Variants in PNPT1 observed in about 807,000 individuals in gnomAD.
The protein encoded by PNPT1 is polyribonucleotide nucleotidyltransferase 1, mitochondrial.
In PNPT1, 53 loss-of-function variants were observed where a neutral mutation model predicts 119.5. That is an observed-to-expected ratio of 0.44 (90% CI 0.36 to 0.56). The LOEUF is 0.56. PNPT1 is among the 20% of genes least tolerant of loss of function. The probability of loss-of-function intolerance (pLI) is 0.00; values close to 1 mark genes in which losing one functional copy is unlikely to be tolerated. For missense variants in PNPT1, 948 were observed against 938.5 expected, an observed-to-expected ratio of 1.01 and a Z score of -0.13; for synonymous variants, 357 against 322.1, an observed-to-expected ratio of 1.11 and a Z score of -1.16.
In PNPT1 at chr2:55,656,140, C is replaced by G. The variant is rs146990953; in HGVS notation, c.1432G>C (p.Glu478Gln). Residue 478 changes from glutamate (E) to glutamine (Q), a missense_variant, in exon 17 of 28, where the codon GAG (glutamate) becomes CAG (glutamine). Transcript: ENST00000447944. ...TATTTCAATACCATACCATTTGACT[C>G]TAGGACTTCAGATGTAACTCTTATG... ...FTIRVTSEVL[E>Q]SNGSSSMASA... 5 of 1,612,718 alleles carry G rather than the reference C, an allele frequency of 3.1e-6. No individual in the cohort carries two copies. In the African/African-American group the frequency reaches 4.0e-5, roughly 13 times the overall value.
At chr2:55,666,948 A>G (rs747723785) in intron 13 of PNPT1, 43 bp downstream of exon 13, 4 of 1,307,942 alleles carry the variant, frequency 3.1e-6, no homozygotes, top group Non-Finnish European at 3.2e-6. Flanking sequence ...CTAATTAAAC[A>G]ATCTTAATTT....
At chr2:55,691,871 TA>T (rs1559116722) in intron 1 of PNPT1, among the ~76,000 whole-genome samples, 766 of 18,080 alleles carry the variant, frequency 0.042, 14 homozygotes, top group Non-Finnish European at 0.069. Context: ...TATATATATA[TA>T]TATATATTTT....
chr2:55,688,635 G>A (rs1045841025), intron 1 of PNPT1, among the ~76,000 whole-genome samples: 1 of 152,056 alleles, frequency 6.6e-6, no homozygotes, highest in African/African-American at 2.4e-5. Flanking sequence ...CGAGGCAAGA[G>A]AACTGCTTGA....
intron 3 of PNPT1, among the ~76,000 whole-genome samples, chr2:55,685,476 T>C (rs1461623629): frequency 1.3e-5 from 2 of 151,958 alleles, no homozygotes; most frequent in African/African-American, 4.8e-5. Context: ...TGCAGTGAAC[T>C]ATGATCACAC....
At chr2:55,660,797 C>A (rs1415230280) in intron 14 of PNPT1, among the ~76,000 whole-genome samples, 1 of 152,158 alleles carries the variant, frequency 6.6e-6, no homozygotes, top group Admixed American at 6.6e-5. Flanking sequence ...AGGTTATAGA[C>A]CTAAGACTAG....
intron 1 of PNPT1, among the ~76,000 whole-genome samples, chr2:55,690,429 C>T (rs1255851921): frequency 6.6e-6 from 1 of 152,162 alleles, no homozygotes; most frequent in African/African-American, 2.4e-5. Flanking sequence ...AATGCACAAA[C>T]CAAACACAAG....
chr2:55,667,288 G>A (rs1696763457), intron 12 of PNPT1, among the ~76,000 whole-genome samples, 195 bp from the exon 13 acceptor site: 1 of 152,010 alleles, frequency 6.6e-6, no homozygotes, highest in Non-Finnish European at 1.5e-5. Flanking sequence ...CTATATTCCT[G>A]TGTTGTTAAA....
Position 55,643,403 on chromosome 2 carries a change from A to G in PNPT1, c.1929T>C (p.Asp643=), listed in dbSNP as rs149102879. The G allele has an allele frequency of 1.8e-4, 295 of 1,613,892 alleles. No individual in the cohort carries two copies. Among genetic ancestry groups the G allele is most frequent in the Non-Finnish European group, 4.7e-5 (56 of 1,180,032 alleles). ...AETGVTISQV[D]EETFSVFAPT... is the part of the protein sequence containing the mutation. ...GTGCAAATACAGAAAACGTTTCTTC[A>G]TCCACCTGACTAATAGTTACACCTT... The change falls in exon 24 of 28, where the codon GAT becomes GAC. Residue 643 remains aspartate, a synonymous_variant. Coordinates refer to ENST00000447944, the MANE Select transcript of PNPT1 (RefSeq NM_033109.5).
chr2:55,643,514 G>A (rs773682038), intron 23 of PNPT1, 89 bp from the exon 24 acceptor site: 3 of 1,130,116 alleles, frequency 2.7e-6, no homozygotes, highest in Middle Eastern at 2.9e-4. Flanking sequence ...GGGGGCTGAG[G>A]TGGGAGGATC....
intron 18 of PNPT1, among the ~76,000 whole-genome samples, chr2:55,651,948 T>C (rs1696225846): frequency 6.8e-6 from 1 of 147,580 alleles, no homozygotes; most frequent in South Asian, 2.2e-4. Flanking sequence ...CCTTAACACC[T>C]CTTTCGAGTA....
At chr2:55,678,337 A>C (rs1027304525) in intron 8 of PNPT1, among the ~76,000 whole-genome samples, 2 of 152,160 alleles carry the variant, frequency 1.3e-5, no homozygotes, top group African/African-American at 4.8e-5. Context: ...ATAGTTACTC[A>C]CAGTACGAAT....
At chr2:55,677,343 C>G (rs1399464748) in intron 8 of PNPT1, among the ~76,000 whole-genome samples, 2 of 152,168 alleles carry the variant, frequency 1.3e-5, no homozygotes, top group African/African-American at 4.8e-5. Flanking sequence ...CCTATAATCC[C>G]AGCACTTTTG....
rs1180408514 is a variant in PNPT1 at position 55,673,076 on chromosome 2, A to G, written c.683T>C (p.Met228Thr). 6.4e-6 allele frequency: 10 copies of G among 1,565,346 alleles called. No homozygotes were observed. Among genetic ancestry groups the G allele is most frequent in the Non-Finnish European group, 8.6e-6 (10 of 1,164,362 alleles). Reference protein sequence around the residue: ...VAGAPKSQIVMLEASAENILQ... With the variant: ...VAGAPKSQIVTLEASAENILQ... ...AATGTTCTCTGCAGAGGCTTCCAAC[A>G]TGACTATTTAAAGGAAAAAGAAAAA... is the stretch of plus-strand genomic sequence containing the variant. The change falls in exon 9 of 28, where the codon ATG (methionine) becomes ACG (threonine). Residue 228 changes from methionine (M) to threonine (T), a missense_variant. Physicochemically the swap from Met to Thr is moderately conservative, Grantham distance 81. Transcript: ENST00000447944.
intron 15 of PNPT1, 57 bp from the exon 16 acceptor site, chr2:55,656,428 G>A (rs1696390718): frequency 2.1e-6 from 3 of 1,433,906 alleles, no homozygotes; most frequent in Admixed American, 2.3e-5. Context: ...AGATGTCCAA[G>A]TTATATTACC....
At chr2:55,645,105 G>A (rs1045737481) in intron 22 of PNPT1, 5 of 287,934 alleles carry the variant, frequency 1.7e-5, no homozygotes, top group African/African-American at 9.1e-5. Flanking sequence ...CTCACTGCAA[G>A]CTCCGCCTCC....
intron 8 of PNPT1, 50 bp downstream of exon 8, chr2:55,679,632 A>T: frequency 7.5e-7 from 1 of 1,335,552 alleles, no homozygotes; most frequent in Non-Finnish European, 1.1e-6. Flanking sequence ...TTAAGAAGCC[A>T]GAACTTGTAA....
rs13009649 is a variant in PNPT1, at chr2:55,666,955, A to G, written c.1176+36T>C. 0.14 allele frequency: 188,702 copies of G among 1,390,510 alleles called. 14,301 individuals are homozygous for G. Among genetic ancestry groups the G allele is most frequent in the East Asian group, 0.26 (10,771 of 42,050 alleles). 86.1% of individuals were successfully genotyped at this position (1,390,510 alleles called of 1,614,324 possible). A position where few individuals can be genotyped will look rare whatever the true frequency, so the allele number is the denominator to read the frequency against. ...TATTAGATCTAATTAAACAATCTTA[A>G]TTTAGCAAATAATTAGAGCTTTTTA... On this transcript the variant is annotated intron_variant, in intron 13 of 27. Coordinates refer to ENST00000447944, the MANE Select transcript of PNPT1 (RefSeq NM_033109.5).
At chr2:55,651,637 C>T (rs1435995462) in intron 18 of PNPT1, among the ~76,000 whole-genome samples, 62 of 150,542 alleles carry the variant, frequency 4.1e-4, no homozygotes, top group African/African-American at 9.7e-4. Flanking sequence ...ACAAACACTG[C>T]GGAAGGCCGC....
chr2:55,670,091 G>C (rs1696861883), intron 11 of PNPT1, among the ~76,000 whole-genome samples: 1 of 150,974 alleles, frequency 6.6e-6, no homozygotes, highest in South Asian at 2.1e-4. Context: ...ATTCATGTGA[G>C]AGTATATTTG....
Sources: gnomAD v4.1 joint callset for allele counts (sites outside exome capture counted in the v4.1 genomes callset) on GRCh38, gnomAD v4.1.1 for gene constraint, MANE v1.5 for transcripts, NCBI Gene and HGNC (gene_info 2026-07-23, HGNC 2026-07-21) for gene names.